THSD7B: variants seen among roughly 807,000 people sequenced by gnomAD.
THSD7B encodes thrombospondin type-1 domain-containing protein 7B.
Under a neutral mutation model 213.6 loss-of-function variants are expected in THSD7B, and 138 were observed. The observed-to-expected ratio is 0.65, with a 90% CI of 0.56 to 0.74. The LOEUF (loss-of-function observed/expected upper bound fraction) is 0.74. Ranked by LOEUF, THSD7B falls within the 30% of genes least tolerant of loss-of-function variation. The pLI, the probability that THSD7B is intolerant of heterozygous loss-of-function variation, is 0.00. For missense variants in THSD7B, 1,931 were observed against 1,991.5 expected, an observed-to-expected ratio of 0.97 and a Z score of 0.58; for synonymous variants, 742 against 687.0, an observed-to-expected ratio of 1.08 and a Z score of -1.25.
chr2:137,246,681 T>C (rs969303929), intron 10 of THSD7B, among the ~76,000 whole-genome samples: 1 of 152,174 alleles, frequency 6.6e-6, no homozygotes, highest in African/African-American at 2.4e-5. Context: ...AAACCAAAGG[T>C]CTATCAAGCT....
intron 12 of THSD7B, among the ~76,000 whole-genome samples, chr2:137,290,466 A>G (rs1418928457): frequency 6.6e-6 from 1 of 152,050 alleles, no homozygotes; most frequent in Non-Finnish European, 1.5e-5. Flanking sequence ...CTGTCTCTCT[A>G]CTGCTCAGAT....
chr2:137,579,019 T>C (rs1396631508), intron 17 of THSD7B, among the ~76,000 whole-genome samples: 1 of 152,180 alleles, frequency 6.6e-6, no homozygotes, highest in Non-Finnish European at 1.5e-5. Context: ...CTTGGAATCA[T>C]TGCAGTTTTC....
At chr2:137,040,593 C>T (rs1686864661) in intron 2 of THSD7B, among the ~76,000 whole-genome samples, 1 of 152,058 alleles carries the variant, frequency 6.6e-6, no homozygotes, top group Admixed American at 6.6e-5. Context: ...CGGAGTTTCA[C>T]CACATTGGCC....
intron 5 of THSD7B, among the ~76,000 whole-genome samples, chr2:137,145,404 T>G (rs984169496): frequency 2.0e-5 from 3 of 152,026 alleles, no homozygotes; most frequent in Admixed American, 6.6e-5. Flanking sequence ...TGGGCCTGAT[T>G]GGAGGCAGGA....
At chr2:137,317,816 A>G (rs62172662) in intron 12 of THSD7B, among the ~76,000 whole-genome samples, 9,103 of 152,214 alleles carry the variant, frequency 0.06, 391 homozygotes, top group Non-Finnish European at 0.089. Context: ...TACTCAGAAG[A>G]CTGAGACTGA....
chr2:137,621,619 T>A (rs1682521534), intron 20 of THSD7B, among the ~76,000 whole-genome samples: 1 of 152,030 alleles, frequency 6.6e-6, no homozygotes, highest in Admixed American at 6.6e-5. Context: ...AACAAGACCA[T>A]AGCATAAAAC....
At chr2:137,223,598 A>G (rs1169804242) in intron 7 of THSD7B, among the ~76,000 whole-genome samples, 2 of 152,194 alleles carry the variant, frequency 1.3e-5, no homozygotes, top group African/African-American at 2.4e-5. Flanking sequence ...AGGAACAAAA[A>G]AAGCCAACAT....
intron 1 of THSD7B, among the ~76,000 whole-genome samples, chr2:136,808,120 C>A (rs1429119782): frequency 6.6e-6 from 1 of 152,204 alleles, no homozygotes; most frequent in African/African-American, 2.4e-5. Context: ...GAGAAGCCTT[C>A]CATTTACTTA....
In THSD7B at chr2:137,127,992, T is replaced by C. The variant is rs150124643; in HGVS notation, c.1369+12699T>C. ...TATAGTATATTAAACACAATAAATA[T>C]AGGGAAACATAGATGTAAAGGCAGT... On this transcript the variant is annotated intron_variant, in intron 5 of 27. Coordinates refer to ENST00000409968, the MANE Select transcript of THSD7B (RefSeq NM_001316349.2). 1.5e-3 allele frequency among the ~76,000 whole-genome samples: 230 copies of C among 152,062 alleles called. 2 individuals carry two copies. Among genetic ancestry groups the C allele is most frequent in the African/African-American group, 5.3e-3 (221 of 41,470 alleles).
intron 1 of THSD7B, among the ~76,000 whole-genome samples, chr2:136,786,991 G>A (rs1316690151): frequency 6.6e-6 from 1 of 152,180 alleles, no homozygotes; most frequent in Non-Finnish European, 1.5e-5. Context: ...CAGTCTTTGA[G>A]TGAGGCATAT....
rs372118599 is a variant in THSD7B at position 137,411,593 on chromosome 2, T to C, written c.2696-16T>C. The stretch of plus-strand genomic sequence containing the variant: ...CAGATAAGCATTTAATATCTTAATG[T>C]CTCTTGTTGGAACAGGGAAAAGCAG... On this transcript the variant is annotated splice_polypyrimidine_tract_variant and intron_variant, in intron 13 of 27. Coordinates refer to ENST00000409968, the MANE Select transcript of THSD7B (RefSeq NM_001316349.2). The C allele has an allele frequency of 1.3e-5, 20 of 1,595,306 alleles. No individual in the cohort carries two copies. The African/African-American group carries it at 2.4e-4, about 19-fold the overall frequency.
intron 20 of THSD7B, among the ~76,000 whole-genome samples, chr2:137,627,336 G>T (rs1354510525): frequency 2.0e-5 from 3 of 152,118 alleles, no homozygotes; most frequent in African/African-American, 7.2e-5. Context: ...CCTTTTGGTG[G>T]GCACAAACCA....
intron 1 of THSD7B, among the ~76,000 whole-genome samples, chr2:136,800,481 T>C (rs1377337862): frequency 6.6e-6 from 1 of 152,014 alleles, no homozygotes; most frequent in Admixed American, 6.6e-5. Flanking sequence ...TGTAGCATAG[T>C]CCAGCTTGTG....
At chr2:137,518,797 G>A (rs923401037) in intron 15 of THSD7B, among the ~76,000 whole-genome samples, 2 of 152,132 alleles carry the variant, frequency 1.3e-5, no homozygotes, top group Non-Finnish European at 2.9e-5. Context: ...ACATGGCTAC[G>A]GCCACTCCTG....
intron 15 of THSD7B, among the ~76,000 whole-genome samples, chr2:137,513,657 T>C (rs1680012855): frequency 6.6e-6 from 1 of 152,170 alleles, no homozygotes; most frequent in African/African-American, 2.4e-5. Flanking sequence ...GTTATTATTA[T>C]TTTTTTACTT....
chr2:136,841,677 G>A (rs115100969), intron 1 of THSD7B, among the ~76,000 whole-genome samples: 2,665 of 151,806 alleles, frequency 0.018, 61 homozygotes, highest in African/African-American at 0.055. Context: ...ATTGTTCAGC[G>A]TATTATAACA....
chr2:137,471,283 G>T (rs1688090527), intron 15 of THSD7B, among the ~76,000 whole-genome samples: 1 of 152,022 alleles, frequency 6.6e-6, no homozygotes, highest in Non-Finnish European at 1.5e-5. Context: ...TCTGTGATTT[G>T]GAGAGGGAAT....
At position 137,362,605 on chromosome 2, in the gene THSD7B, T is replaced by G. The variant is rs192181781; in HGVS notation, c.2501-43008T>G. On this transcript the variant is annotated intron_variant, in intron 12 of 27. Transcript: ENST00000409968. ...CAATCCTCGTCTCTGACAAAAACAG[T>G]CTTTAAACCAACAAAGATCAAAAGA... Among the ~76,000 whole-genome samples the G allele has an allele frequency of 9.0e-3, 1,361 of 151,866 alleles. 30 individuals carry two copies. The highest frequency in any genetic ancestry group is 0.031 in the African/African-American group (1,286 of 41,418).
At chr2:137,388,256 A>G (rs1286245631) in intron 12 of THSD7B, among the ~76,000 whole-genome samples, 2 of 152,096 alleles carry the variant, frequency 1.3e-5, no homozygotes, top group African/African-American at 4.8e-5. Flanking sequence ...TATCTGTATC[A>G]GTTTATCCTG....
Sources: gnomAD v4.1 joint callset for allele counts (sites outside exome capture counted in the v4.1 genomes callset) on GRCh38, gnomAD v4.1.1 for gene constraint, MANE v1.5 for transcripts, NCBI Gene and HGNC (gene_info 2026-07-23, HGNC 2026-07-21) for gene names.